The following ACVR1B variants were observed in gnomAD, a reference collection of about 807,000 sequenced individuals.
ACVR1B encodes the protein activin A receptor type 1B.
In ACVR1B, 15 loss-of-function variants were observed where a neutral mutation model predicts 55.6. That is an observed-to-expected ratio of 0.27 (90% CI 0.18 to 0.42). The LOEUF (loss-of-function observed/expected upper bound fraction) is 0.42, where lower values mean the gene tolerates loss of function less well. ACVR1B is among the 10% of genes least tolerant of loss of function. The pLI is 1.00. For synonymous variants in ACVR1B, 247 were observed against 254.6 expected (o/e 0.97, Z 0.28); for missense variants, 359 against 670.1 (o/e 0.54, Z 5.13).
chr12:51,972,995 T>C (rs1941774883), intron 1 of ACVR1B, among the ~76,000 whole-genome samples: 1 of 152,196 alleles, frequency 6.6e-6, no homozygotes, highest in Admixed American at 6.5e-5. Context: ...CCCAGTTCCG[T>C]TCTTCGTCCT....
chr12:51,975,781 G>A (rs1941838200), intron 2 of ACVR1B, among the ~76,000 whole-genome samples: 1 of 152,218 alleles, frequency 6.6e-6, no homozygotes, highest in Non-Finnish European at 1.5e-5. Flanking sequence ...AACCAGGCAG[G>A]GATTCCCACG....
chr12:51,966,294 A>G (rs886596934), intron 1 of ACVR1B, among the ~76,000 whole-genome samples: 1 of 152,232 alleles, frequency 6.6e-6, no homozygotes, highest in African/African-American at 2.4e-5. Context: ...CAAAAAATCC[A>G]GAATGTGGGA....
Position 51,951,708 on chromosome 12 carries a change from T to C in ACVR1B, c.-36T>C. The C allele has an allele frequency of 1.3e-5, 14 of 1,072,930 alleles. No homozygotes were observed. Among genetic ancestry groups the C allele is most frequent in the Non-Finnish European group, 1.5e-5 (13 of 886,798 alleles). The allele number at this position is 1,072,930 out of a possible 1,614,324, so 66.5% of individuals were successfully genotyped here. A position where few individuals can be genotyped will look rare whatever the true frequency, so the allele number is the denominator to read the frequency against. ...CGCGCGCGCGCGCGCTGGGCGCTGC[T>C]GGGCTGCGGCGGCGGCGGCGGCGGC... On this transcript the variant is annotated 5_prime_UTR_variant, in exon 1 of 9. Transcript: ENST00000257963.
chr12:51,994,009 A>G lies in ACVR1B; in HGVS notation c.1417A>G (p.Met473Val). 1 of 1,614,088 alleles carries G rather than the reference A, an allele frequency of 6.2e-7. No homozygotes were observed. Among genetic ancestry groups the G allele is most frequent in the Non-Finnish European group, 8.5e-7 (1 of 1,180,028 alleles). ...GGCACTGCGGGTGATGGGGAAGATGATGCGAGAGTGTTGGTATGCCAACGG... is the reference window on the plus strand; with the variant it reads ...GGCACTGCGGGTGATGGGGAAGATGGTGCGAGAGTGTTGGTATGCCAACGG... ...YEALRVMGKM[M>V]RECWYANGAA... The change falls in exon 9 of 9, where the codon ATG becomes GTG. Residue 473 changes from methionine (M) to valine (V), a missense_variant. Physicochemically the swap from Met to Val is conservative, Grantham distance 21. Around this residue, in one of 5 missense-constraint regions of ACVR1B, gnomAD observed 53 missense variants for 78.5 expected, o/e 0.68. Coordinates refer to ENST00000257963, the MANE Select transcript of ACVR1B (RefSeq NM_004302.5). This position sits in a 1 kb window ranked among gnomAD's most constrained non-coding sequence, Gnocchi z 4.2.
chr12:51,977,622 T>G (rs1941889626), intron 3 of ACVR1B, among the ~76,000 whole-genome samples: 1 of 148,448 alleles, frequency 6.7e-6, no homozygotes, highest in Admixed American at 6.7e-5. Context: ...TTTTTTTTTT[T>G]TTTTTTGTTT....
At chr12:51,978,921 GGAGTCTT>G (rs1409188418) in intron 3 of ACVR1B, among the ~76,000 whole-genome samples, 1 of 151,434 alleles carries the variant, frequency 6.6e-6, no homozygotes, top group Non-Finnish European at 1.5e-5. Context: ...CACATTTAAA[GGAGTCTT>G]GAGGCCGGGC....
intron 3 of ACVR1B, among the ~76,000 whole-genome samples, 153 bp downstream of exon 3, chr12:51,976,728 C>T (rs1565616947): frequency 6.6e-6 from 1 of 151,780 alleles, no homozygotes; most frequent in African/African-American, 2.4e-5. Context: ...TGGAGTCTGA[C>T]GTGTAATAAG....
chr12:51,981,147 G>A lies in ACVR1B; in HGVS notation c.759G>A (p.Thr253=), dbSNP rs1171834445. The change falls in exon 4 of 9, where the codon ACG becomes ACA. Residue 253 remains threonine (T), a synonymous_variant. Transcript: ENST00000257963. Reference sequence around the variant, plus strand: ...TCAGGGAAGCAGAGATATACCAGACGGTCATGCTGCGCCATGAAAACATCC... The same window carrying A: ...TCAGGGAAGCAGAGATATACCAGACAGTCATGCTGCGCCATGAAAACATCC... ...SWFREAEIYQ[T]VMLRHENILG... 1 of 1,613,960 alleles carries A rather than the reference G, an allele frequency of 6.2e-7. No homozygotes were observed. The highest frequency in any genetic ancestry group is 8.5e-7 in the Non-Finnish European group (1 of 1,180,022).
At position 51,976,310 on chromosome 12, in the gene ACVR1B, T is replaced by C. The variant is rs978448234; in HGVS notation, c.332-17T>C. Reference sequence around the variant, plus strand: ...TTTACTTCTCATTCTTTCCCTCTCCTCTCTCACTTGACTCAGGTCACCTCA... The same window carrying C: ...TTTACTTCTCATTCTTTCCCTCTCCCCTCTCACTTGACTCAGGTCACCTCA... On this transcript the variant is annotated splice_polypyrimidine_tract_variant and intron_variant, in intron 2 of 8. Transcript: ENST00000257963. 1.9e-6 allele frequency: 3 copies of C among 1,613,612 alleles called. No homozygotes were observed. The highest frequency in any genetic ancestry group is 1.1e-5 in the South Asian group (1 of 91,070).
chr12:51,991,762 G>T, intron 7 of ACVR1B, 101 bp from the exon 8 acceptor site: 1 of 1,257,526 alleles, frequency 8.0e-7, no homozygotes, highest in East Asian at 2.4e-5. Context: ...AACCTTAGGG[G>T]GTAGTGGTAT....
intron 1 of ACVR1B, among the ~76,000 whole-genome samples, chr12:51,957,937 A>C (rs1445495122): frequency 6.6e-6 from 1 of 152,186 alleles, no homozygotes; most frequent in East Asian, 1.9e-4. Context: ...ATGACACTAA[A>C]TATACTGCAG....
At chr12:51,984,383 C>T (rs961494842) in intron 5 of ACVR1B, among the ~76,000 whole-genome samples, 2 of 152,214 alleles carry the variant, frequency 1.3e-5, no homozygotes, top group Admixed American at 1.3e-4. Flanking sequence ...CCTCAGGAAC[C>T]CTATAATATC....
At chr12:51,959,517 A>G (rs924910256) in intron 1 of ACVR1B, among the ~76,000 whole-genome samples, 1 of 152,216 alleles carries the variant, frequency 6.6e-6, no homozygotes, top group African/African-American at 2.4e-5. Flanking sequence ...ACCCAATCCT[A>G]GATGAGAAGG....
intron 3 of ACVR1B, 51 bp from the exon 4 acceptor site, chr12:51,980,918 A>G (rs768958513): frequency 6.6e-7 from 1 of 1,519,780 alleles, no homozygotes; most frequent in African/African-American, 1.4e-5. Flanking sequence ...GGGAGTTGGA[A>G]AATTTGTCAA....
At chr12:51,981,657 C>G (rs940620047) in intron 4 of ACVR1B, among the ~76,000 whole-genome samples, 1 of 152,244 alleles carries the variant, frequency 6.6e-6, no homozygotes, top group Middle Eastern at 3.4e-3. Context: ...CATGGCAAAA[C>G]CCCATCTCTA....
Position 51,970,657 on chromosome 12 carries a change from A to G in ACVR1B, c.92-4608A>G, listed in dbSNP as rs1279583008. On this transcript the variant is annotated intron_variant, in intron 1 of 8. Transcript: ENST00000257963. ...TAATTAAAATAATCATGGTTGTATT[A>G]GGCTATTCTTATCACTTGGGGCTGT... Among the ~76,000 whole-genome samples, 5 of 152,168 alleles carry G rather than the reference A, an allele frequency of 3.3e-5. No homozygotes were observed. In the South Asian group the frequency reaches 1.0e-3, roughly 32 times the overall value.
intron 1 of ACVR1B, among the ~76,000 whole-genome samples, chr12:51,968,391 T>G (rs899682311): frequency 6.6e-6 from 1 of 152,266 alleles, no homozygotes; most frequent in African/African-American, 2.4e-5. Flanking sequence ...GTAATAAATG[T>G]TATTTTATTC....
chr12:51,981,869 A>T (rs1450529691), intron 4 of ACVR1B, among the ~76,000 whole-genome samples: 1 of 152,150 alleles, frequency 6.6e-6, no homozygotes, highest in Non-Finnish European at 1.5e-5. Context: ...AAAGAAAAAA[A>T]AAATCCCTAG....
rs1353347503 is a variant in ACVR1B, at chr12:51,951,954, G to C, written c.91+120G>C. 1.1e-5 allele frequency: 6 copies of C among 523,650 alleles called. No homozygotes were observed. The African/African-American group carries it at 1.2e-4, about 11-fold the overall frequency. 32.4% of individuals were successfully genotyped at this position (523,650 alleles called of 1,614,324 possible). A position where few individuals can be genotyped will look rare whatever the true frequency, so the allele number is the denominator to read the frequency against. On this transcript the variant is annotated intron_variant, in intron 1 of 8. Coordinates refer to ENST00000257963, the MANE Select transcript of ACVR1B (RefSeq NM_004302.5). ...CCCCACGAGCACAATATGGCCGGGT[G>C]GGGGGCGCAGAGGAGTCGGGGTGAC... is the stretch of plus-strand genomic sequence containing the variant.
Sources: gnomAD v4.1 joint callset for allele counts (sites outside exome capture counted in the v4.1 genomes callset) on GRCh38, gnomAD v4.1.1 for gene constraint, gnomAD v4.1.1 regional missense constraint, Gnocchi (gnomAD v3.1) non-coding constraint, MANE v1.5 for transcripts, NCBI Gene and HGNC (gene_info 2026-07-23, HGNC 2026-07-21) for gene names.